The following SRD5A2 variants were observed in gnomAD, a reference collection of about 807,000 sequenced individuals.
SRD5A2 encodes the protein 3-oxo-5-alpha-steroid 4-dehydrogenase 2.
Under a neutral mutation model 27.4 loss-of-function variants are expected in SRD5A2, and 30 were observed. That is an observed-to-expected ratio of 1.10 (90% CI 0.82 to 1.49). SRD5A2 has a LOEUF of 1.49. Ranked by LOEUF, SRD5A2 falls within the 40% of genes most tolerant of loss-of-function variation. SRD5A2 has a pLI of 0.00. For synonymous variants in SRD5A2, 141 were observed against 133.6 expected (o/e 1.06, Z -0.38); for missense variants, 348 against 323.4 (o/e 1.08, Z -0.58).
At chr2:31,644,718 T>C in the SRD5A2 span, among the ~76,000 whole-genome samples, 1 of 152,194 alleles carries the variant, frequency 6.6e-6, no homozygotes. Flanking sequence ...TTGGAAACAA[T>C]TGACAAAATT....
the SRD5A2 span, among the ~76,000 whole-genome samples, chr2:31,636,075 T>C: frequency 5.3e-5 from 8 of 152,102 alleles, no homozygotes; most frequent in Non-Finnish European, 7.4e-5. Context: ...TCTATTTCTG[T>C]GAAGAATGTC....
rs973491449 is a variant in SRD5A2, at chr2:31,580,808, G to T, written c.93C>A (p.Ser31=). 2.5e-6 allele frequency: 4 copies of T among 1,612,442 alleles called. No homozygotes were observed. The highest frequency in any genetic ancestry group is 2.5e-6 in the Non-Finnish European group (3 of 1,179,692). Residue 31 remains serine, a synonymous_variant, in exon 1 of 5, where the codon TCC becomes TCA. Coordinates refer to ENST00000622030, the MANE Select transcript of SRD5A2 (RefSeq NM_000348.4). Reference sequence around the variant, plus strand: ...GGCTCTCCGTGTGCTTCCCGTAGCCGGAGGGCTTCGCGACGTACAAGGCCA... The same window carrying T: ...GGCTCTCCGTGTGCTTCCCGTAGCCTGAGGGCTTCGCGACGTACAAGGCCA... ...GALALYVAKP[S]GYGKHTESLK... is the part of the protein sequence containing the mutation.
chr2:31,656,872 A>G, the SRD5A2 span, among the ~76,000 whole-genome samples: 1 of 152,188 alleles, frequency 6.6e-6, no homozygotes, highest in African/African-American at 2.4e-5. Flanking sequence ...CACTTAACCT[A>G]TATTTTATTC....
At chr2:31,607,876 T>A in the SRD5A2 span, among the ~76,000 whole-genome samples, 2 of 151,932 alleles carry the variant, frequency 1.3e-5, no homozygotes, top group Non-Finnish European at 2.9e-5. Context: ...GGGGAGGTAA[T>A]TATTAGCTCA....
chr2:31,565,184 C>T (rs1335404920), intron 1 of SRD5A2, among the ~76,000 whole-genome samples: 1 of 151,304 alleles, frequency 6.6e-6, no homozygotes, highest in Non-Finnish European at 1.5e-5. Flanking sequence ...AACCTTTAAG[C>T]AAATTAACAA....
At chr2:31,649,980 GA>G in the SRD5A2 span, among the ~76,000 whole-genome samples, 1 of 22,314 alleles carries the variant, frequency 4.5e-5, no homozygotes, top group Non-Finnish European at 1.1e-4. Flanking sequence ...TGATTAGATT[GA>G]TTGATTAGAT....
chr2:31,635,474 A>G, the SRD5A2 span, among the ~76,000 whole-genome samples: 4 of 152,066 alleles, frequency 2.6e-5, no homozygotes, highest in African/African-American at 7.2e-5. Flanking sequence ...GATAGTTGCA[A>G]ATATTTTCTC....
the SRD5A2 span, among the ~76,000 whole-genome samples, chr2:31,598,940 A>G: frequency 6.6e-6 from 1 of 152,080 alleles, no homozygotes; most frequent in African/African-American, 2.4e-5. Context: ...CTTCACCTAT[A>G]CAGACACAAA....
chr2:31,585,800 C>T (rs1004889861), upstream of SRD5A2, among the ~76,000 whole-genome samples: 1 of 152,078 alleles, frequency 6.6e-6, no homozygotes, highest in African/African-American at 2.4e-5. Context: ...ATTTCTAGAC[C>T]TTTCCTGGGC....
chr2:31,639,488 G>T, the SRD5A2 span, among the ~76,000 whole-genome samples: 1 of 151,980 alleles, frequency 6.6e-6, no homozygotes, highest in Non-Finnish European at 1.5e-5. Flanking sequence ...TTTTCTTTCA[G>T]ATTGAAGAAC....
the SRD5A2 span, among the ~76,000 whole-genome samples, chr2:31,607,012 G>C: frequency 6.6e-6 from 1 of 151,902 alleles, no homozygotes; most frequent in East Asian, 1.9e-4. Flanking sequence ...TAATTTTTAA[G>C]ATGGAAATTC....
the SRD5A2 span, among the ~76,000 whole-genome samples, chr2:31,657,166 A>G: frequency 1.3e-5 from 2 of 152,220 alleles, no homozygotes; most frequent in Non-Finnish European, 2.9e-5. Flanking sequence ...TGTTTTAGTT[A>G]ATAACAACCT....
intron 1 of SRD5A2, among the ~76,000 whole-genome samples, chr2:31,543,408 T>G (rs6543634): frequency 0.17 from 25,827 of 152,134 alleles, 2,924 homozygotes; most frequent in African/African-American, 0.33. Context: ...AAGGTGGTAT[T>G]ATTATAACAA....
At chr2:31,601,434 C>T in the SRD5A2 span, among the ~76,000 whole-genome samples, 1 of 151,826 alleles carries the variant, frequency 6.6e-6, no homozygotes, top group Admixed American at 6.6e-5. Context: ...AATAGCCTAC[C>T]AACTAAAAAA....
At chr2:31,635,087 T>C in the SRD5A2 span, among the ~76,000 whole-genome samples, 2 of 152,186 alleles carry the variant, frequency 1.3e-5, no homozygotes, top group African/African-American at 2.4e-5. Flanking sequence ...GCTCTAATTT[T>C]AGTTTTTTAA....
intron 1 of SRD5A2, among the ~76,000 whole-genome samples, 161 bp downstream of exon 1, chr2:31,580,459 C>A (rs1165129846): frequency 6.6e-6 from 1 of 152,136 alleles, no homozygotes; most frequent in African/African-American, 2.4e-5. Flanking sequence ...AGCCCCGGCC[C>A]CGGCCCCCGC....
At chr2:31,583,635 AAAAGCAAAAAAAAAACC>A, upstream of SRD5A2, among the ~76,000 whole-genome samples, 2 of 21,908 alleles carry the variant, frequency 9.1e-5, no homozygotes, top group African/African-American at 2.8e-4. Context: ...AAAACAAAAA[AAAAGCAAAAAAAAAACC>A]AAAAAAAAAG....
intron 1 of SRD5A2, among the ~76,000 whole-genome samples, chr2:31,569,892 T>C (rs576124426): frequency 3.3e-5 from 5 of 152,226 alleles, no homozygotes; most frequent in African/African-American, 9.6e-5. Flanking sequence ...TTAGACTTCA[T>C]CAAAATTAAA....
At chr2:31,617,735 C>T in the SRD5A2 span, among the ~76,000 whole-genome samples, 15 of 152,342 alleles carry the variant, frequency 9.8e-5, no homozygotes, top group African/African-American at 2.9e-4. Flanking sequence ...CAGTTCCCAA[C>T]AAGCTCCTCA....
Sources: gnomAD v4.1 joint callset for allele counts (sites outside exome capture counted in the v4.1 genomes callset) on GRCh38, gnomAD v4.1.1 for gene constraint, MANE v1.5 for transcripts, NCBI Gene and HGNC (gene_info 2026-07-23, HGNC 2026-07-21) for gene names.